Variants in CSNK1E observed in about 807,000 individuals in gnomAD.
CSNK1E encodes the protein casein kinase 1 epsilon.
In CSNK1E, 17 loss-of-function variants were observed where a neutral mutation model predicts 46.1. The ratio of observed to expected loss-of-function variants is 0.37; its 90% CI spans 0.25 to 0.55. The LOEUF (loss-of-function observed/expected upper bound fraction) is 0.55, where lower values mean the gene tolerates loss of function less well. CSNK1E is among the 20% of genes least tolerant of loss of function. The probability of loss-of-function intolerance (pLI) is 0.82; values close to 1 mark genes in which losing one functional copy is unlikely to be tolerated. For synonymous variants in CSNK1E, 241 were observed against 242.6 expected (o/e 0.99, Z 0.06); for missense variants, 386 against 595.4 (o/e 0.65, Z 3.66).
intron 2 of CSNK1E, among the ~76,000 whole-genome samples, chr22:38,307,069 G>A (rs2092701714): frequency 6.6e-6 from 1 of 152,174 alleles, no homozygotes; most frequent in Non-Finnish European, 1.5e-5. Flanking sequence ...TACCTGGGAG[G>A]CTGAGGCAGG....
chr22:38,296,105 G>A, intron 7 of CSNK1E: 1 of 959,722 alleles, frequency 1.0e-6, no homozygotes, highest in Non-Finnish European at 1.2e-6. Context: ...CCTGCCCTTT[G>A]TGAGCCCAGC....
intron 1 of CSNK1E, among the ~76,000 whole-genome samples, chr22:38,315,956 G>A (rs1204873091): frequency 1.3e-5 from 2 of 151,918 alleles, no homozygotes; most frequent in African/African-American, 4.8e-5. Context: ...ACCCCCAGTC[G>A]CTCCCCAACA....
At chr22:38,296,182 A>G in intron 7 of CSNK1E, 1 of 1,014,288 alleles carries the variant, frequency 9.9e-7, no homozygotes, top group Non-Finnish European at 1.2e-6. Context: ...TCCAACCCAT[A>G]GGACGCAAGA....
upstream of CSNK1E, chr22:38,318,007 G>A (rs1244433063): frequency 6.6e-6 from 1 of 152,216 alleles, no homozygotes; most frequent in East Asian, 1.9e-4. Flanking sequence ...GTGGAAAAAC[G>A]AAGGGCAAAG....
chr22:38,291,387 C>G lies in CSNK1E; in HGVS notation c.*584G>C, dbSNP rs1446117869. The G allele has an allele frequency of 3.3e-5, 5 of 153,022 alleles. No individual in the cohort carries two copies. Among genetic ancestry groups the G allele is most frequent in the Non-Finnish European group, 7.3e-5 (5 of 68,802 alleles). 9.5% of individuals were successfully genotyped at this position (153,022 alleles called of 1,614,324 possible). A position where few individuals can be genotyped will look rare whatever the true frequency, so the allele number is the denominator to read the frequency against. ...ACGCAGGGGACGCCGGCCCCCACCA[C>G]CTCCCCACCCACTCCATGGAGAGGC... On this transcript the variant is annotated 3_prime_UTR_variant, in exon 11 of 11. Transcript: ENST00000396832.
rs773574783 is a variant in CSNK1E at position 38,300,995 on chromosome 22, C to G, written c.337-43G>C. 26 of 1,556,574 alleles carry G rather than the reference C, an allele frequency of 1.7e-5. No homozygotes were observed. The highest frequency in any genetic ancestry group is 1.9e-5 in the Non-Finnish European group (22 of 1,129,070). On this transcript the variant is annotated intron_variant, in intron 4 of 10. Coordinates refer to ENST00000396832, the MANE Select transcript of CSNK1E (RefSeq NM_152221.3). This position sits in a 1 kb window ranked among gnomAD's most constrained non-coding sequence, Gnocchi z 4.4. ...CATTTGTTCAACAGAGGGGCCCTTG[C>G]CTAGCACTCTGGGCCAGGCAGGGGC...
chr22:38,296,285 G>C, intron 7 of CSNK1E: 1 of 1,248,962 alleles, frequency 8.0e-7, no homozygotes, highest in Non-Finnish European at 1.0e-6. Context: ...TCATCATATG[G>C]ACCTCTGTCC....
chr22:38,314,312 A>G, intron 1 of CSNK1E, 143 bp from the exon 2 acceptor site: 1 of 645,338 alleles, frequency 1.5e-6, no homozygotes, highest in Non-Finnish European at 2.8e-6. Context: ...GGTGGCCCAC[A>G]GCCTGCACTC....
Position 38,294,669 on chromosome 22 carries a change from A to G in CSNK1E, c.886-135T>C. 1 of 797,282 alleles carries G rather than the reference A, an allele frequency of 1.3e-6. No individual in the cohort carries two copies. Among genetic ancestry groups the G allele is most frequent in the Non-Finnish European group, 1.9e-6 (1 of 521,406 alleles). 49.4% of individuals were successfully genotyped at this position (797,282 alleles called of 1,614,324 possible). A position where few individuals can be genotyped will look rare whatever the true frequency, so the allele number is the denominator to read the frequency against. ...AACCTTCTGCTCCAGCCTCCCTGAC[A>G]AGCGCGGGAAGCCAAGACCCACAAT... On this transcript the variant is annotated intron_variant, in intron 7 of 10. Transcript: ENST00000396832. The surrounding 1 kb of genome is among the most constrained non-coding windows in gnomAD (Gnocchi z 5.5).
rs1248664415 is a variant in CSNK1E, at chr22:38,303,445, G to A, written c.77-197C>T. Among the ~76,000 whole-genome samples the A allele has an allele frequency of 6.6e-6, 1 of 152,246 alleles. No individual in the cohort carries two copies. The highest frequency in any genetic ancestry group is 1.5e-5 in the Non-Finnish European group (1 of 68,042). ...CCTGAGGGGAAAGAAGGTCAGCGCTGTGAGGGACAGAGGTGACACACAAGG... is the reference window on the plus strand; with the variant it reads ...CCTGAGGGGAAAGAAGGTCAGCGCTATGAGGGACAGAGGTGACACACAAGG... On this transcript the variant is annotated intron_variant, in intron 2 of 10. Transcript: ENST00000396832. This position sits in a 1 kb window ranked among gnomAD's most constrained non-coding sequence, Gnocchi z 4.7.
rs1458622964 is a variant in CSNK1E at position 38,300,513 on chromosome 22, G to A, written c.565+211C>T. Among the ~76,000 whole-genome samples, 6 of 152,318 alleles carry A rather than the reference G, an allele frequency of 3.9e-5. No homozygotes were observed. In the East Asian group the frequency reaches 7.7e-4, roughly 20 times the overall value. ...AGGAGGAAGCAGGGCCAGGGAAGGC[G>A]CCCGGCACACACAGCTTGGCTTACG... On this transcript the variant is annotated intron_variant, in intron 5 of 10. Transcript: ENST00000396832. The surrounding 1 kb of genome is among the most constrained non-coding windows in gnomAD (Gnocchi z 4.4).
At position 38,294,538 on chromosome 22, in the gene CSNK1E, C is replaced by A; in HGVS notation, c.886-4G>T. The A allele has an allele frequency of 6.3e-7, 1 of 1,578,176 alleles. No homozygotes were observed. Among genetic ancestry groups the A allele is most frequent in the Non-Finnish European group, 8.6e-7 (1 of 1,163,854 alleles). ...CCTCGGGATTCCGGGCTGCACCCTG[C>A]AGGGATGCAAGAAAAGACACCAGTC... On this transcript the variant is annotated splice_polypyrimidine_tract_variant and splice_region_variant and intron_variant, in intron 7 of 10. Transcript: ENST00000396832. The surrounding 1 kb of genome is among the most constrained non-coding windows in gnomAD (Gnocchi z 5.5).
chr22:38,297,965 T>G (rs1449687766), intron 7 of CSNK1E: 1 of 1,135,318 alleles, frequency 8.8e-7, no homozygotes, highest in East Asian at 9.2e-5. Context: ...CCGGCCTATC[T>G]GGGGGGCTCT....
chr22:38,300,134 C>A lies in CSNK1E; in HGVS notation c.566-69G>T. ...CAGGCCCCTAACTCATCCTCTGGGT[C>A]ATGCTCCTCACAATGCACCAGGACC... is the stretch of plus-strand genomic sequence containing the variant. On this transcript the variant is annotated intron_variant, in intron 5 of 10. Coordinates refer to ENST00000396832, the MANE Select transcript of CSNK1E (RefSeq NM_152221.3). This position sits in a 1 kb window ranked among gnomAD's most constrained non-coding sequence, Gnocchi z 4.4. The A allele has an allele frequency of 1.3e-6, 2 of 1,489,460 alleles. No individual in the cohort carries two copies. The highest frequency in any genetic ancestry group is 2.4e-5 in the South Asian group (2 of 83,742). 92.3% of individuals were successfully genotyped at this position (1,489,460 alleles called of 1,614,324 possible).
Position 38,309,524 on chromosome 22 carries a change from G to A in CSNK1E, c.76+4558C>T, listed in dbSNP as rs1330748156. On this transcript the variant is annotated intron_variant, in intron 2 of 10. Coordinates refer to ENST00000396832, the MANE Select transcript of CSNK1E (RefSeq NM_152221.3). The surrounding 1 kb of genome is among the most constrained non-coding windows in gnomAD (Gnocchi z 4.8). ...GGCTGGAGTGCAGTGGCATGATCTC[G>A]GCTCACTGCAACTTCTGCCTCCCGG... Among the ~76,000 whole-genome samples the A allele has an allele frequency of 6.6e-6, 1 of 151,606 alleles. No homozygotes were observed. The highest frequency in any genetic ancestry group is 1.5e-5 in the Non-Finnish European group (1 of 67,918).
Position 38,294,604 on chromosome 22 carries a change from A to T in CSNK1E, c.886-70T>A. On this transcript the variant is annotated intron_variant, in intron 7 of 10. Coordinates refer to ENST00000396832, the MANE Select transcript of CSNK1E (RefSeq NM_152221.3). The surrounding 1 kb of genome is among the most constrained non-coding windows in gnomAD (Gnocchi z 5.5). ...GGTGCTCTGGGCCCAGCAGCCCTGCAGGGCACAGAAGGGGAGGGAGGCCAG... is the reference window on the plus strand; with the variant it reads ...GGTGCTCTGGGCCCAGCAGCCCTGCTGGGCACAGAAGGGGAGGGAGGCCAG... 2 of 1,389,628 alleles carry T rather than the reference A, an allele frequency of 1.4e-6. No individual in the cohort carries two copies. The highest frequency in any genetic ancestry group is 1.9e-6 in the Non-Finnish European group (2 of 1,033,610). 86.1% of individuals were successfully genotyped at this position (1,389,628 alleles called of 1,614,324 possible).
At position 38,300,027 on chromosome 22, in the gene CSNK1E, C is replaced by A. The variant is rs1187676610; in HGVS notation, c.604G>T (p.Val202Leu). ...GAGCCCAGGTTGAAGTACATGAGCA[C>A]GTAGCCCAGGCTCTCCAGGTCATCT... Reference protein sequence around the residue: ...RRDDLESLGYVLMYFNLGSLP... With the variant: ...RRDDLESLGYLLMYFNLGSLP... The change falls in exon 6 of 11, where the codon GTG (valine) becomes TTG (leucine). Residue 202 changes from valine to leucine, a missense_variant. Coordinates refer to ENST00000396832, the MANE Select transcript of CSNK1E (RefSeq NM_152221.3). The surrounding 1 kb of genome is among the most constrained non-coding windows in gnomAD (Gnocchi z 4.4). 1.2e-6 allele frequency: 2 copies of A among 1,614,126 alleles called. No individual in the cohort carries two copies. The highest frequency in any genetic ancestry group is 1.7e-5 in the Admixed American group (1 of 60,026).
intron 2 of CSNK1E, among the ~76,000 whole-genome samples, chr22:38,306,016 G>A (rs905358282): frequency 1.1e-4 from 16 of 152,244 alleles, no homozygotes; most frequent in South Asian, 4.1e-4. Flanking sequence ...CTCCTGAGGG[G>A]GCTGATTAAA....
At chr22:38,299,782 G>A (rs918507158) in intron 6 of CSNK1E, 113 bp downstream of exon 6, 2 of 1,223,450 alleles carry the variant, frequency 1.6e-6, no homozygotes, top group Non-Finnish European at 2.3e-6. Context: ...TGCCAGGACT[G>A]CAGGCGTGAA....
Sources: gnomAD v4.1 joint callset for allele counts (sites outside exome capture counted in the v4.1 genomes callset) on GRCh38, gnomAD v4.1.1 for gene constraint, Gnocchi (gnomAD v3.1) non-coding constraint, MANE v1.5 for transcripts, NCBI Gene and HGNC (gene_info 2026-07-23, HGNC 2026-07-21) for gene names.